The following GMPR variants were observed in gnomAD, a reference collection of about 807,000 sequenced individuals.
GMPR encodes GMP reductase 1.
GMPR carries 31 observed loss-of-function variants against 38.4 expected under a neutral mutation model. The ratio of observed to expected loss-of-function variants is 0.81; its 90% CI spans 0.61 to 1.09. GMPR has a LOEUF of 1.09. GMPR is among the 50% of genes least tolerant of loss of function. GMPR has a pLI of 0.00. For missense variants in GMPR, 468 were observed against 453.7 expected, an observed-to-expected ratio of 1.03 and a Z score of -0.29; for synonymous variants, 162 against 173.3, an observed-to-expected ratio of 0.93 and a Z score of 0.51.
At chr6:16,282,659 TTAG>T (rs1396269898) in intron 6 of GMPR, among the ~76,000 whole-genome samples, 7 of 152,242 alleles carry the variant, frequency 4.6e-5, no homozygotes, top group African/African-American at 1.7e-4. Flanking sequence ...TTGCTGGTTC[TTAG>T]TAGGTGACTG....
chr6:16,239,095 G>A lies in GMPR; in HGVS notation c.87+315G>A, dbSNP rs563249489. The stretch of plus-strand genomic sequence containing the variant: ...TTAGAAGGAATAGGGGTACGAGGGC[G>A]CTTATAGCAAGAAAAGGAAACTGGA... On this transcript the variant is annotated intron_variant, in intron 1 of 8. Transcript: ENST00000259727. 3.3e-5 allele frequency among the ~76,000 whole-genome samples: 5 copies of A among 152,322 alleles called. No homozygotes were observed. In the East Asian group the frequency reaches 9.7e-4, roughly 29 times the overall value.
At chr6:16,256,889 G>A (rs1758990920) in intron 4 of GMPR, among the ~76,000 whole-genome samples, 1 of 152,204 alleles carries the variant, frequency 6.6e-6, no homozygotes, top group African/African-American at 2.4e-5. Context: ...AATCCCTTGA[G>A]ATTTCCTGGG....
At chr6:16,265,827 G>A (rs1229322469) in intron 4 of GMPR, among the ~76,000 whole-genome samples, 1 of 151,364 alleles carries the variant, frequency 6.6e-6, no homozygotes, top group Non-Finnish European at 1.5e-5. Context: ...CCACGCCATG[G>A]AGGTTTTCTT....
At chr6:16,275,645 G>T (rs770520466) in intron 5 of GMPR, among the ~76,000 whole-genome samples, 1 of 152,192 alleles carries the variant, frequency 6.6e-6, no homozygotes, top group Non-Finnish European at 1.5e-5. Context: ...TCCTTTCCAG[G>T]CTGCCTCCTC....
At chr6:16,261,397 G>A (rs936394792) in intron 4 of GMPR, among the ~76,000 whole-genome samples, 2 of 146,386 alleles carry the variant, frequency 1.4e-5, no homozygotes, top group Non-Finnish European at 1.5e-5. Flanking sequence ...TGAGCCTGAC[G>A]GGTGTCAGGG....
intron 5 of GMPR, among the ~76,000 whole-genome samples, chr6:16,276,911 C>T (rs187495831): frequency 4.6e-5 from 7 of 152,266 alleles, no homozygotes; most frequent in South Asian, 2.1e-4. Context: ...TAATCAGAAC[C>T]GCCTGTGTGT....
intron 2 of GMPR, among the ~76,000 whole-genome samples, chr6:16,248,307 T>G (rs1038096595): frequency 2.7e-5 from 4 of 145,946 alleles, no homozygotes; most frequent in Non-Finnish European, 6.0e-5. Flanking sequence ...AAAATAAAAT[T>G]AAAAAAAAAT....
chr6:16,292,596 A>G (rs1173049603), intron 8 of GMPR, among the ~76,000 whole-genome samples: 1 of 152,138 alleles, frequency 6.6e-6, no homozygotes, highest in African/African-American at 2.4e-5. Flanking sequence ...ACCTATGTTC[A>G]AGAAGCTTCG....
chr6:16,267,599 C>T (rs1166339630), intron 4 of GMPR, among the ~76,000 whole-genome samples: 8 of 152,126 alleles, frequency 5.3e-5, no homozygotes, highest in East Asian at 1.9e-4. Flanking sequence ...GAACAAACTC[C>T]GGACACGCCA....
chr6:16,267,944 C>T (rs1358163496), intron 4 of GMPR, among the ~76,000 whole-genome samples: 1 of 152,176 alleles, frequency 6.6e-6, no homozygotes, highest in Non-Finnish European at 1.5e-5. Flanking sequence ...ATTGGCCTGC[C>T]CACATTCTTT....
At chr6:16,279,111 C>T (rs1398277033) in intron 6 of GMPR, among the ~76,000 whole-genome samples, 1 of 152,220 alleles carries the variant, frequency 6.6e-6, no homozygotes, top group African/African-American at 2.4e-5. Context: ...GTGGGTGGTC[C>T]ATCTGATGAG....
intron 6 of GMPR, among the ~76,000 whole-genome samples, chr6:16,280,830 G>A (rs749373276): frequency 1.6e-4 from 25 of 152,168 alleles, no homozygotes; most frequent in Non-Finnish European, 2.9e-4. Flanking sequence ...TCTCCATCAA[G>A]TCAAAACTTG....
At position 16,295,264 on chromosome 6, in the gene GMPR, G is replaced by A. The variant is rs574452555; in HGVS notation, c.*78G>A. 3.2e-5 allele frequency: 35 copies of A among 1,101,356 alleles called. No homozygotes were observed. The highest frequency in any genetic ancestry group is 8.2e-5 in the African/African-American group (5 of 60,776). The allele number at this position is 1,101,356 out of a possible 1,614,324, so 68.2% of individuals were successfully genotyped here. On this transcript the variant is annotated 3_prime_UTR_variant, in exon 9 of 9. Coordinates refer to ENST00000259727, the MANE Select transcript of GMPR (RefSeq NM_006877.4). ...TCCCATCTCCCCCCAAGTCTGTTCC[G>A]TCAGAGCTTCTGGCTGCTCCTGAAT... is the stretch of plus-strand genomic sequence containing the variant.
At chr6:16,266,862 G>A (rs1759253819) in intron 4 of GMPR, among the ~76,000 whole-genome samples, 3 of 151,802 alleles carry the variant, frequency 2.0e-5, no homozygotes, top group Admixed American at 6.5e-5. Context: ...AAGTCAGCGA[G>A]ACCACGAACC....
rs547763519 is a variant in GMPR at position 16,295,385 on chromosome 6, T to A, written c.*199T>A. On this transcript the variant is annotated 3_prime_UTR_variant, in exon 9 of 9. Transcript: ENST00000259727. The stretch of plus-strand genomic sequence containing the variant: ...CGGGGCCCAGACGCAAGGCACCGAT[T>A]GGGCCAACATCAGAGCCCTGCTGCC... 7.0e-5 allele frequency: 32 copies of A among 457,140 alleles called. No individual in the cohort carries two copies. Among genetic ancestry groups the A allele is most frequent in the African/African-American group, 2.2e-4 (11 of 49,064 alleles). 28.3% of individuals were successfully genotyped at this position (457,140 alleles called of 1,614,324 possible). A position where few individuals can be genotyped will look rare whatever the true frequency, so the allele number is the denominator to read the frequency against.
At chr6:16,291,023 C>T (rs1759832141) in intron 8 of GMPR, among the ~76,000 whole-genome samples, 2 of 152,268 alleles carry the variant, frequency 1.3e-5, no homozygotes, top group African/African-American at 2.4e-5. Flanking sequence ...TGGCTCTCCT[C>T]TTGCACAGAA....
At chr6:16,256,567 C>T (rs1482363610) in intron 4 of GMPR, among the ~76,000 whole-genome samples, 1 of 149,008 alleles carries the variant, frequency 6.7e-6, no homozygotes, top group Admixed American at 6.7e-5. Flanking sequence ...GTTCCAAGGT[C>T]AACCAGCTGT....
intron 4 of GMPR, chr6:16,262,750 A>G (rs1005093768): frequency 6.6e-5 from 10 of 152,036 alleles, no homozygotes; most frequent in Non-Finnish European, 1.3e-4. Context: ...TAGGGCTGTA[A>G]AGCGTCTCAG....
At position 16,251,358 on chromosome 6, in the gene GMPR, G is replaced by T. The variant is rs371164100; in HGVS notation, c.291+991G>T. 5.9e-5 allele frequency among the ~76,000 whole-genome samples: 9 copies of T among 152,330 alleles called. No homozygotes were observed. The South Asian group carries it at 1.9e-3, about 32-fold the overall frequency. On this transcript the variant is annotated intron_variant, in intron 3 of 8. Coordinates refer to ENST00000259727, the MANE Select transcript of GMPR (RefSeq NM_006877.4). ...GGCCGAGTCGGGTGGATCACCTGAG[G>T]TCGGGAGTTCGAGTCCAACCTGCCC...
Sources: allele counts gnomAD v4.1 joint callset (sites outside exome capture counted in the v4.1 genomes callset), GRCh38; gene constraint gnomAD v4.1.1; transcripts MANE v1.5; gene names NCBI Gene and HGNC (gene_info 2026-07-23, HGNC 2026-07-21).